Variants in PSORS1C1 observed in about 807,000 individuals in gnomAD.
The protein encoded by PSORS1C1 is psoriasis susceptibility 1 candidate gene 1 protein.
Under a neutral mutation model 9.4 loss-of-function variants are expected in PSORS1C1, and 7 were observed. The observed-to-expected ratio is 0.75, with a 90% CI of 0.42 to 1.40. PSORS1C1 has a LOEUF of 1.40. Ranked by LOEUF, PSORS1C1 falls within the 40% of genes most tolerant of loss-of-function variation. The pLI is 0.01. For synonymous variants in PSORS1C1, 63 were observed against 69.4 expected (o/e 0.91, Z 0.46); for missense variants, 146 against 178.1 (o/e 0.82, Z 1.02).
At chr6:31,122,222 A>C (rs1237219413) in intron 1 of PSORS1C1, among the ~76,000 whole-genome samples, 2 of 152,210 alleles carry the variant, frequency 1.3e-5, no homozygotes, top group African/African-American at 4.8e-5. Flanking sequence ...TTTTGTGAAC[A>C]TCAAATGGGA....
chr6:31,133,000 G>A (rs746353650), intron 3 of PSORS1C1, among the ~76,000 whole-genome samples: 1 of 151,992 alleles, frequency 6.6e-6, no homozygotes, highest in Non-Finnish European at 1.5e-5. Flanking sequence ...GTCTGGGGGC[G>A]GGCTGGGGGA....
intron 3 of PSORS1C1, among the ~76,000 whole-genome samples, chr6:31,132,112 C>T (rs1227135639): frequency 2.0e-5 from 3 of 152,102 alleles, no homozygotes; most frequent in Middle Eastern, 3.2e-3. Context: ...TGGTGGCATG[C>T]GCCTGTGATC....
intron 2 of PSORS1C1, among the ~76,000 whole-genome samples, chr6:31,127,820 A>AC (rs28728471): frequency 0.12 from 18,802 of 150,522 alleles, 1,264 homozygotes; most frequent in Middle Eastern, 0.22. Flanking sequence ...GTCTCAAAAA[A>AC]ACACACATAC....
In PSORS1C1 at chr6:31,117,637, G is replaced by A. The variant is rs144820504; in HGVS notation, c.-229+2746G>A. The A allele has an allele frequency of 2.0e-5, 19 of 927,322 alleles. No individual in the cohort carries two copies. The African/African-American group carries it at 2.5e-4, about 12-fold the overall frequency. The allele number at this position is 927,322 out of a possible 1,614,324, so 57.4% of individuals were successfully genotyped here. On this transcript the variant is annotated intron_variant, in intron 1 of 5. Transcript: ENST00000259881. ...CTCTCGGGTTTCTCCCAAGCAGAGC[G>A]CAGGGAGAGTTTAGGGATGGAGAAA...
chr6:31,135,333 T>C (rs757446295), intron 3 of PSORS1C1, among the ~76,000 whole-genome samples: 1 of 152,004 alleles, frequency 6.6e-6, no homozygotes, highest in East Asian at 1.9e-4. Context: ...GCCTCCCAGG[T>C]TCAAGCAATT....
At chr6:31,123,008 C>A (rs1420074165) in intron 1 of PSORS1C1, among the ~76,000 whole-genome samples, 2 of 152,196 alleles carry the variant, frequency 1.3e-5, no homozygotes, top group African/African-American at 2.4e-5. Context: ...TCTTTTCCAA[C>A]ACAAACTTCC....
chr6:31,138,997 G>T (rs1432090583), intron 5 of PSORS1C1: 1 of 1,614,122 alleles, frequency 6.2e-7, no homozygotes, highest in African/African-American at 1.3e-5. Flanking sequence ...AAAGGACCAG[G>T]ATCCCCAGGA....
In PSORS1C1 at chr6:31,139,993, A is replaced by AGCC. The variant is rs1773366037; in HGVS notation, c.*62_*64dup. The AGCC allele has an allele frequency of 6.7e-7, 1 of 1,490,748 alleles. No individual in the cohort carries two copies. Among genetic ancestry groups the AGCC allele is most frequent in the East Asian group, 2.3e-5 (1 of 43,858 alleles). The allele number at this position is 1,490,748 out of a possible 1,614,324, so 92.3% of individuals were successfully genotyped here. ...GGACCTTTCTGCCTGGAAGTCTGTT[A>AGCC]GCCTTTCAGAAGTAACATGTCCAAA... On this transcript the variant is annotated 3_prime_UTR_variant, in exon 6 of 6. Transcript: ENST00000259881. This position sits in a 1 kb window ranked among gnomAD's most constrained non-coding sequence, Gnocchi z 5.2.
In PSORS1C1 at chr6:31,139,615, C is replaced by G; in HGVS notation, c.168-26C>G. 4 of 1,602,310 alleles carry G rather than the reference C, an allele frequency of 2.5e-6. No individual in the cohort carries two copies. Among genetic ancestry groups the G allele is most frequent in the Non-Finnish European group, 3.4e-6 (4 of 1,172,150 alleles). On this transcript the variant is annotated intron_variant, in intron 5 of 5. Coordinates refer to ENST00000259881, the MANE Select transcript of PSORS1C1 (RefSeq NM_014068.3). This position sits in a 1 kb window ranked among gnomAD's most constrained non-coding sequence, Gnocchi z 5.2. ...CCTTCCCCCATGGGATCCAGGCATC[C>G]TGCTCTCCACCATGTCCTTCTTCAG...
chr6:31,117,475 C>T (rs370680006), intron 1 of PSORS1C1: 40 of 1,553,032 alleles, frequency 2.6e-5, no homozygotes, highest in African/African-American at 2.2e-4. Flanking sequence ...GGAGGTGATA[C>T]GCGTGGGGTC....
chr6:31,120,566 C>T (rs1028491781), intron 1 of PSORS1C1: 41 of 716,612 alleles, frequency 5.7e-5, no homozygotes, highest in South Asian at 1.6e-4. Flanking sequence ...TTGGTGTGGC[C>T]GGGAGGAGCG....
rs1554119058 is a variant in PSORS1C1 at position 31,138,730 on chromosome 6, C to CA, written c.119dup (p.His40GlnfsTer3). 6.2e-6 allele frequency: 10 copies of CA among 1,611,926 alleles called. No individual in the cohort carries two copies. The highest frequency in any genetic ancestry group is 1.1e-5 in the South Asian group (1 of 91,060). ...CAGCTCCGAGGAAACTCGTCCCCCC[C>CA]ACGTTAATCCTGACCGACTTTGCCA... On this transcript the variant is annotated frameshift_variant, in exon 5 of 6. Coordinates refer to ENST00000259881, the MANE Select transcript of PSORS1C1 (RefSeq NM_014068.3). LOFTEE classifies it low-confidence loss of function (END_TRUNC).
chr6:31,115,035 G>A lies in PSORS1C1; in HGVS notation c.-229+144G>A. ...ATGGGAAGAGAATGGATTTCCTGGA[G>A]CAATGAGAGAGGAGGGAAATGGCGG... On this transcript the variant is annotated intron_variant, in intron 1 of 5. Transcript: ENST00000259881. The surrounding 1 kb of genome is among the most constrained non-coding windows in gnomAD (Gnocchi z 4.2). The A allele has an allele frequency of 2.7e-6, 1 of 374,460 alleles. No homozygotes were observed. The allele number at this position is 374,460 out of a possible 1,614,324, so 23.2% of individuals were successfully genotyped here.
chr6:31,126,003 C>G (rs559904502), intron 2 of PSORS1C1, among the ~76,000 whole-genome samples, 164 bp downstream of exon 2: 1 of 151,882 alleles, frequency 6.6e-6, no homozygotes, highest in South Asian at 2.1e-4. Context: ...CCCCCCACCC[C>G]CTGCAAGCAC....
chr6:31,116,248 C>T, intron 1 of PSORS1C1: 3 of 1,613,980 alleles, frequency 1.9e-6, no homozygotes, highest in Non-Finnish European at 2.5e-6. Flanking sequence ...GCAAGGGTGA[C>T]CAGAAGAGCT....
intron 1 of PSORS1C1, chr6:31,117,142 C>G: frequency 6.2e-7 from 1 of 1,610,316 alleles, no homozygotes; most frequent in Non-Finnish European, 8.5e-7. Context: ...AAAGCTGCTG[C>G]TGCTGCTCGA....
At chr6:31,116,936 A>G in intron 1 of PSORS1C1, 1 of 1,614,166 alleles carries the variant, frequency 6.2e-7, no homozygotes, top group African/African-American at 1.3e-5. Flanking sequence ...CCTCCACTGC[A>G]GGGAGAGTCG....
At chr6:31,138,090 G>C in intron 3 of PSORS1C1, 1 of 1,583,894 alleles carries the variant, frequency 6.3e-7, no homozygotes, top group Non-Finnish European at 8.6e-7. Flanking sequence ...AGGTTGAGGA[G>C]GATCCGTTCT....
Position 31,139,631 on chromosome 6 carries a change from C to T in PSORS1C1, c.168-10C>T. 1.2e-6 allele frequency: 2 copies of T among 1,609,234 alleles called. No individual in the cohort carries two copies. The highest frequency in any genetic ancestry group is 1.7e-6 in the Non-Finnish European group (2 of 1,177,106). ...CCAGGCATCCTGCTCTCCACCATGT[C>T]CTTCTTCAGGCATGCAGGGGACCTC... On this transcript the variant is annotated splice_polypyrimidine_tract_variant and intron_variant, in intron 5 of 5. Transcript: ENST00000259881. The surrounding 1 kb of genome is among the most constrained non-coding windows in gnomAD (Gnocchi z 5.2).
Sources: allele counts gnomAD v4.1 joint callset (sites outside exome capture counted in the v4.1 genomes callset), GRCh38; gene constraint gnomAD v4.1.1; non-coding constraint Gnocchi (gnomAD v3.1); transcripts MANE v1.5; gene names NCBI Gene and HGNC (gene_info 2026-07-23, HGNC 2026-07-21).